LRFN2: variants seen among roughly 807,000 people sequenced by gnomAD.
The protein encoded by LRFN2 is leucine-rich repeat and fibronectin type-III domain-containing protein 2.
Under a neutral mutation model 37.3 loss-of-function variants are expected in LRFN2, and 18 were observed. That is an observed-to-expected ratio of 0.48 (90% confidence interval 0.33 to 0.72). The LOEUF (loss-of-function observed/expected upper bound fraction) is 0.72. LRFN2 is among the 30% of genes least tolerant of loss of function. The pLI, the probability that LRFN2 is intolerant of heterozygous loss-of-function variation, is 0.02. For missense variants in LRFN2, 1,006 were observed against 1,060.7 expected (o/e 0.95, Z 0.72); for synonymous variants, 556 against 466.6 (o/e 1.19, Z -2.47).
chr6:40,565,395 A>C (rs1009625380), intron 1 of LRFN2, among the ~76,000 whole-genome samples: 3 of 152,210 alleles, frequency 2.0e-5, no homozygotes, highest in Admixed American at 2.0e-4. Context: ...TTTAAAGTTC[A>C]TATGGAACCA....
intron 2 of LRFN2, among the ~76,000 whole-genome samples, chr6:40,421,589 A>G (rs1763229822): frequency 6.6e-6 from 1 of 152,234 alleles, no homozygotes; most frequent in African/African-American, 2.4e-5. Context: ...TGAAGCCTCC[A>G]GGTAGCAGGA....
At chr6:40,434,666 CAG>C (rs2113827634) in intron 1 of LRFN2, among the ~76,000 whole-genome samples, 1 of 151,884 alleles carries the variant, frequency 6.6e-6, no homozygotes, top group Admixed American at 6.6e-5. Context: ...TTAGTAGAGA[CAG>C]GGTTTCACCA....
At chr6:40,449,587 C>T (rs1187408440) in intron 1 of LRFN2, among the ~76,000 whole-genome samples, 2 of 152,100 alleles carry the variant, frequency 1.3e-5, no homozygotes, top group Admixed American at 6.6e-5. Context: ...AAGGTGGTGG[C>T]CAGGTTTGAG....
At chr6:40,544,512 C>A (rs7768343) in intron 1 of LRFN2, among the ~76,000 whole-genome samples, 68,736 of 151,996 alleles carry the variant, frequency 0.45, 16,573 homozygotes, top group African/African-American at 0.62. Context: ...TGAGCGGCCA[C>A]AGACGTTTGC....
chr6:40,489,337 T>C (rs1042117988), intron 1 of LRFN2, among the ~76,000 whole-genome samples: 3 of 152,220 alleles, frequency 2.0e-5, no homozygotes, highest in Admixed American at 1.3e-4. Flanking sequence ...AATAAGCTCA[T>C]TGGACCTCTT....
chr6:40,548,143 A>T (rs769122736), intron 1 of LRFN2, among the ~76,000 whole-genome samples: 6 of 152,150 alleles, frequency 3.9e-5, no homozygotes, highest in Non-Finnish European at 7.4e-5. Context: ...AAAACTAGGG[A>T]TAAAAATAGT....
chr6:40,402,968 G>A (rs940712866), intron 2 of LRFN2, among the ~76,000 whole-genome samples: 9 of 152,308 alleles, frequency 5.9e-5, no homozygotes, highest in African/African-American at 1.4e-4. Flanking sequence ...AGGCCTTGAG[G>A]TAGAAACAGT....
chr6:40,579,986 A>G (rs1726190426), intron 1 of LRFN2, among the ~76,000 whole-genome samples: 1 of 152,230 alleles, frequency 6.6e-6, no homozygotes, highest in Non-Finnish European at 1.5e-5. Context: ...GAAGGAAGTG[A>G]AGGTAGCACT....
intron 2 of LRFN2, among the ~76,000 whole-genome samples, chr6:40,407,513 G>C (rs1451734310): frequency 1.3e-5 from 2 of 152,184 alleles, no homozygotes; most frequent in African/African-American, 4.8e-5. Context: ...CTCCCTTCCT[G>C]GGTCATCTGG....
chr6:40,510,340 T>A (rs1765671154), intron 1 of LRFN2, among the ~76,000 whole-genome samples: 1 of 152,004 alleles, frequency 6.6e-6, no homozygotes, highest in East Asian at 1.9e-4. Flanking sequence ...GAGGGTAAAA[T>A]GAGAATAGCA....
At chr6:40,503,516 T>C (rs888928696) in intron 1 of LRFN2, among the ~76,000 whole-genome samples, 1 of 152,110 alleles carries the variant, frequency 6.6e-6, no homozygotes, top group Non-Finnish European at 1.5e-5. Context: ...TGTAGACAGG[T>C]AGCGTTTGGG....
chr6:40,540,887 G>C (rs547941099), intron 1 of LRFN2, among the ~76,000 whole-genome samples: 2 of 152,150 alleles, frequency 1.3e-5, no homozygotes, highest in Non-Finnish European at 2.9e-5. Context: ...CCCTTTCCCA[G>C]CTTGCTCTCA....
At chr6:40,394,041 G>A (rs1468858483) in intron 2 of LRFN2, among the ~76,000 whole-genome samples, 7 of 152,132 alleles carry the variant, frequency 4.6e-5, no homozygotes, top group Non-Finnish European at 7.4e-5. Context: ...GTTGTAGTAG[G>A]CCAGGCTCAG....
intron 1 of LRFN2, among the ~76,000 whole-genome samples, chr6:40,475,552 G>T (rs568315618): frequency 3.3e-5 from 5 of 152,278 alleles, no homozygotes; most frequent in South Asian, 2.1e-4. Context: ...AAACTGAGAA[G>T]TTGTTTTTGT....
Position 40,432,686 on chromosome 6 carries a change from G to C in LRFN2, c.428C>G (p.Ala143Gly). The C allele has an allele frequency of 6.2e-7, 1 of 1,614,132 alleles. No individual in the cohort carries two copies. The highest frequency in any genetic ancestry group is 8.5e-7 in the Non-Finnish European group (1 of 1,180,036). ...CAATGTCAGCAGGAAGTCCTCAAAA[G>C]CCTCATCTGCGATGCCGCCCAGCTG... is the stretch of plus-strand genomic sequence containing the variant. The part of the protein sequence containing the change: ...NNQLGGIADE[A>G]FEDFLLTLED... Residue 143 changes from alanine to glycine, a missense_variant, in exon 2 of 3, where the codon GCT (alanine) becomes GGT (glycine). By Grantham distance (60) the Ala-to-Gly change is moderately conservative (BLOSUM62 0). Around this residue, in one of 4 missense-constraint regions of LRFN2, gnomAD observed 185 missense variants for 254.9 expected, o/e 0.73. Transcript: ENST00000338305.
intron 1 of LRFN2, among the ~76,000 whole-genome samples, chr6:40,514,827 C>T (rs1765815095): frequency 6.6e-6 from 1 of 152,236 alleles, no homozygotes; most frequent in African/African-American, 2.4e-5. Flanking sequence ...CCTGGAGAAG[C>T]AGCAGAGTGG....
intron 1 of LRFN2, among the ~76,000 whole-genome samples, chr6:40,463,895 C>T (rs938304189): frequency 6.6e-6 from 1 of 152,038 alleles, no homozygotes; most frequent in African/African-American, 2.4e-5. Flanking sequence ...CCAGGCTGGT[C>T]TTGAACTCCT....
At chr6:40,472,141 G>A (rs749595072) in intron 1 of LRFN2, among the ~76,000 whole-genome samples, 70 of 152,048 alleles carry the variant, frequency 4.6e-4, no homozygotes, top group Non-Finnish European at 9.0e-4. Flanking sequence ...ATTCTTCCCC[G>A]GTCAACCCCT....
intron 2 of LRFN2, among the ~76,000 whole-genome samples, chr6:40,409,643 C>T (rs1445373070): frequency 6.6e-6 from 1 of 152,190 alleles, no homozygotes; most frequent in Non-Finnish European, 1.5e-5. Context: ...ACTACCACCT[C>T]CCCCAAAGGA....
Sources: allele counts gnomAD v4.1 joint callset (sites outside exome capture counted in the v4.1 genomes callset), GRCh38; gene constraint gnomAD v4.1.1; regional missense constraint gnomAD v4.1.1; transcripts MANE v1.5; gene names NCBI Gene and HGNC (gene_info 2026-07-23, HGNC 2026-07-21).